Variants in LIPA observed in about 807,000 individuals in gnomAD.
LIPA encodes the protein lysosomal acid lipase/cholesteryl ester hydrolase.
A neutral mutation model predicts 40.6 loss-of-function variants in LIPA; 26 were observed. The observed-to-expected ratio is 0.64, with a 90% confidence interval of 0.47 to 0.89. The LOEUF (loss-of-function observed/expected upper bound fraction) is 0.89, where lower values mean the gene tolerates loss of function less well. Among genes scored for constraint, LIPA ranks in the 40% least tolerant of loss-of-function variants. LIPA has a pLI of 0.00. For synonymous variants in LIPA, 188 were observed against 168.4 expected (o/e 1.12, Z -0.90); for missense variants, 455 against 479.6 (o/e 0.95, Z 0.48).
upstream of LIPA, among the ~76,000 whole-genome samples, chr10:89,256,414 T>A (rs1321834500): frequency 6.6e-6 from 1 of 152,104 alleles, no homozygotes; most frequent in Non-Finnish European, 1.5e-5. Context: ...ACGTAGAGAT[T>A]CAGAAGATAT....
At chr10:89,304,330 T>G (rs768089867) in intron 1 of LIPA, among the ~76,000 whole-genome samples, 2 of 152,098 alleles carry the variant, frequency 1.3e-5, no homozygotes, top group Non-Finnish European at 2.9e-5. Context: ...GCATTCCCGT[T>G]GAAAAGCTCA....
Position 89,281,787 on chromosome 10 carries a change from T to C in LIPA, c.-1-34138A>G, listed in dbSNP as rs569404397. 1.9e-3 allele frequency among the ~76,000 whole-genome samples: 294 copies of C among 152,364 alleles called. 1 individual carries two copies. The highest frequency in any genetic ancestry group is 7.0e-3 in the African/African-American group (289 of 41,580). On this transcript the variant is annotated intron_variant, in intron 1 of 5. Transcript: ENST00000282673. ...GGAAAGTATTAGGCAGGATGTATGA[T>C]GATGGTATTTGGCAATAAGCCACAC... is the stretch of plus-strand genomic sequence containing the variant.
intron 1 of LIPA, among the ~76,000 whole-genome samples, chr10:89,329,858 C>G (rs755028712): frequency 6.6e-6 from 1 of 151,722 alleles, no homozygotes; most frequent in Admixed American, 6.6e-5. Context: ...GGGCTGAGTC[C>G]GAAAAGAAAG....
chr10:89,381,961 G>A (rs1464111885), intron 2 of LIPA, among the ~76,000 whole-genome samples: 2 of 151,810 alleles, frequency 1.3e-5, no homozygotes, highest in African/African-American at 2.4e-5. Flanking sequence ...GTAGAGATGG[G>A]GTTTCACCAT....
chr10:89,392,716 A>C, intron 2 of LIPA: 1 of 1,614,066 alleles, frequency 6.2e-7, no homozygotes, highest in Middle Eastern at 1.7e-4. Context: ...AGCAACCATG[A>C]GGTAAGGATT....
intron 3 of LIPA, among the ~76,000 whole-genome samples, chr10:89,233,307 C>A (rs1213340538): frequency 3.3e-5 from 5 of 152,098 alleles, no homozygotes; most frequent in Admixed American, 6.5e-5. Context: ...TACTGCAGAC[C>A]ACACTGTTTT....
intron 8 of LIPA, among the ~76,000 whole-genome samples, chr10:89,218,368 C>T (rs1252460356): frequency 6.6e-6 from 1 of 152,188 alleles, no homozygotes; most frequent in Non-Finnish European, 1.5e-5. Context: ...AAAATTCAAG[C>T]AACAGAAACT....
At chr10:89,216,042 T>TCTAACTTTGGTGTCA in intron 8 of LIPA, 33 bp from the exon 9 acceptor site, 1 of 1,437,778 alleles carries the variant, frequency 7.0e-7, no homozygotes, top group Non-Finnish European at 9.8e-7. Flanking sequence ...AAGAGTTATC[T>TCTAACTTTGGTGTCA]GACACCAAAG....
At chr10:89,340,752 T>C (rs1843858423) in intron 1 of LIPA, 1 of 152,162 alleles carries the variant, frequency 6.6e-6, no homozygotes, top group African/African-American at 2.4e-5. Context: ...CCAAGGGTCA[T>C]AAATGGTGAC....
At chr10:89,403,601 C>T (rs1844478461) in intron 2 of LIPA, 1 of 1,614,038 alleles carries the variant, frequency 6.2e-7, no homozygotes, top group Admixed American at 1.7e-5. Context: ...GCTTGAGCCT[C>T]CTTGGGTTCG....
At chr10:89,253,274 T>C (rs960876559), upstream of LIPA, among the ~76,000 whole-genome samples, 3 of 152,182 alleles carry the variant, frequency 2.0e-5, no homozygotes, top group Non-Finnish European at 4.4e-5. Flanking sequence ...GGGTAATTTA[T>C]GAAGGAAAAA....
At position 89,362,873 on chromosome 10, in the gene LIPA, C is replaced by T. The variant is rs117084233; in HGVS notation, c.61+49918G>A. 2.4e-3 allele frequency: 736 copies of T among 300,560 alleles called. 3 individuals are homozygous for T. Among genetic ancestry groups the T allele is most frequent in the Non-Finnish European group, 3.2e-3 (495 of 155,662 alleles). The allele number at this position is 300,560 out of a possible 1,614,324, so 18.6% of individuals were successfully genotyped here. ...ATGTCATCACTGCCTATTGCCTGGACGGTTTTAACACAACAGACAGTAATG... is the reference window on the plus strand; with the variant it reads ...ATGTCATCACTGCCTATTGCCTGGATGGTTTTAACACAACAGACAGTAATG... On this transcript the variant is annotated intron_variant, in intron 2 of 8. Transcript: ENST00000371837.
At chr10:89,313,409 A>C (rs1483166761) in intron 1 of LIPA, among the ~76,000 whole-genome samples, 1 of 152,212 alleles carries the variant, frequency 6.6e-6, no homozygotes, top group Non-Finnish European at 1.5e-5. Flanking sequence ...ATCTCAGATA[A>C]GAAAATCTGT....
At position 89,396,034 on chromosome 10, in the gene LIPA, A is replaced by C. The variant is rs540469879; in HGVS notation, c.61+16757T>G. ...TTTGGCCATTATGAATAGTGCTGCT[A>C]TCAACATCTGTGTGCAAGTTTTTAT... On this transcript the variant is annotated intron_variant, in intron 2 of 8. Coordinates refer to the LIPA transcript ENST00000371837. Among the ~76,000 whole-genome samples, 3 of 152,314 alleles carry C rather than the reference A, an allele frequency of 2.0e-5. No individual in the cohort carries two copies. The East Asian group carries it at 5.8e-4, about 29-fold the overall frequency.
intron 1 of LIPA, chr10:89,277,897 T>C (rs1226944958): frequency 6.6e-6 from 1 of 152,242 alleles, no homozygotes. Flanking sequence ...TCTCTTGTTT[T>C]CATTTGTGTT....
chr10:89,261,395 C>T (rs762318226), intron 1 of LIPA, among the ~76,000 whole-genome samples: 31 of 152,160 alleles, frequency 2.0e-4, no homozygotes, highest in Non-Finnish European at 4.1e-4. Flanking sequence ...ATCCCAGCTA[C>T]TTGGGAGGCT....
chr10:89,403,514 A>T, intron 2 of LIPA: 1 of 1,613,388 alleles, frequency 6.2e-7, no homozygotes, highest in South Asian at 1.1e-5. Flanking sequence ...AGGCATCATT[A>T]ACAAGGGATA....
chr10:89,306,668 G>A, intron 1 of LIPA: 1 of 1,614,128 alleles, frequency 6.2e-7, no homozygotes, highest in Non-Finnish European at 8.5e-7. Flanking sequence ...GTTAGTTGAA[G>A]AAGCCTTGGA....
At chr10:89,409,014 T>C (rs1589644929) in intron 2 of LIPA, among the ~76,000 whole-genome samples, 1 of 152,236 alleles carries the variant, frequency 6.6e-6, no homozygotes, top group Admixed American at 6.5e-5. Context: ...TATTCAGTGA[T>C]GTCCACCATA....
Sources: gnomAD v4.1 joint callset for allele counts (sites outside exome capture counted in the v4.1 genomes callset) on GRCh38, gnomAD v4.1.1 for gene constraint, MANE v1.5 for transcripts, NCBI Gene and HGNC (gene_info 2026-07-23, HGNC 2026-07-21) for gene names.